Variants in TPST1 observed in about 807,000 individuals in gnomAD.
The protein encoded by TPST1 is protein-tyrosine sulfotransferase 1.
Under a neutral mutation model 34.8 loss-of-function variants are expected in TPST1, and 20 were observed. The ratio of observed to expected loss-of-function variants is 0.57; its 90% CI spans 0.40 to 0.84. The LOEUF (loss-of-function observed/expected upper bound fraction) is 0.84, where lower values mean the gene tolerates loss of function less well. TPST1 is among the 40% of genes least tolerant of loss of function. The probability of loss-of-function intolerance (pLI) is 0.00; values close to 1 mark genes in which losing one functional copy is unlikely to be tolerated. For synonymous variants in TPST1, 152 were observed against 159.4 expected (o/e 0.95, Z 0.35); for missense variants, 353 against 455.5 (o/e 0.78, Z 2.05).
At chr7:66,254,541 T>C (rs921885248) in intron 2 of TPST1, among the ~76,000 whole-genome samples, 16 of 151,978 alleles carry the variant, frequency 1.1e-4, no homozygotes, top group Non-Finnish European at 1.9e-4. Flanking sequence ...GTCGCTGGGA[T>C]TGCAAGTGTG....
At position 66,332,674 on chromosome 7, in the gene TPST1, G is replaced by A. The variant is rs571240387; in HGVS notation, c.1045-19831G>A. On this transcript the variant is annotated intron_variant, in intron 3 of 5. Transcript: ENST00000304842. This position sits in a 1 kb window ranked among gnomAD's most constrained non-coding sequence, Gnocchi z 4.5. The stretch of plus-strand genomic sequence containing the variant: ...AACCATGGACTGAAAATATGTGGGG[G>A]GGAAATGATGCTTACATCTGTACTG... Among the ~76,000 whole-genome samples the A allele has an allele frequency of 1.2e-4, 18 of 152,186 alleles. 1 individual carries two copies. The South Asian group carries it at 3.3e-3, about 28-fold the overall frequency.
At chr7:66,201,927 A>C (rs768477667), upstream of TPST1, among the ~76,000 whole-genome samples, 1 of 151,660 alleles carries the variant, frequency 6.6e-6, no homozygotes, top group South Asian at 2.1e-4. Context: ...CCAAGAGTAC[A>C]TAGCAAAGAA....
chr7:66,301,790 GATCTCTGATCGCAC>G (rs1791323732), intron 3 of TPST1, among the ~76,000 whole-genome samples: 1 of 152,154 alleles, frequency 6.6e-6, no homozygotes, highest in Non-Finnish European at 1.5e-5. Context: ...TAACATCAAA[GATCTCTGATCGCAC>G]ATCACCGTAA....
In TPST1 at chr7:66,352,506, T is replaced by C; in HGVS notation, c.1046T>C (p.Val349Ala). 1 of 1,612,136 alleles carries C rather than the reference T, an allele frequency of 6.2e-7. No individual in the cohort carries two copies. Among genetic ancestry groups the C allele is most frequent in the Non-Finnish European group, 8.5e-7 (1 of 1,179,600 alleles). ...DPKIIENTRR[V>A]YKGEFQLPDF... ...CTCACGCCTGCTTTGTTTTTCCAGG[T>C]CTATAAGGGAGAATTCCAACTACCT... is the stretch of plus-strand genomic sequence containing the variant. The change falls in exon 4 of 6, where the codon GTC becomes GCC. Residue 349 changes from valine (V) to alanine (A), a missense_variant and splice_region_variant. Transcript: ENST00000304842.
chr7:66,351,995 T>G (rs1792488830), intron 3 of TPST1, among the ~76,000 whole-genome samples: 1 of 152,336 alleles, frequency 6.6e-6, no homozygotes, highest in Admixed American at 6.5e-5. Flanking sequence ...TTTTATGAGA[T>G]TTACGGTTTA....
chr7:66,321,890 G>A (rs1473752522), intron 3 of TPST1, among the ~76,000 whole-genome samples: 1 of 152,166 alleles, frequency 6.6e-6, no homozygotes, highest in Admixed American at 6.6e-5. Flanking sequence ...TGAAGTGCCA[G>A]TTCAGGTTCT....
At chr7:66,212,241 AT>A (rs1789278248) in intron 1 of TPST1, among the ~76,000 whole-genome samples, 1 of 152,162 alleles carries the variant, frequency 6.6e-6, no homozygotes, top group Admixed American at 6.5e-5. Context: ...AAAACTGTCA[AT>A]TTGATAAAAG....
intron 1 of TPST1, among the ~76,000 whole-genome samples, chr7:66,224,069 C>T (rs1789600092): frequency 2.0e-5 from 3 of 152,096 alleles, no homozygotes; most frequent in Admixed American, 2.0e-4. Flanking sequence ...ATTCTTCTTG[C>T]CATTTGCTAC....
At chr7:66,221,132 TAA>T (rs546112446) in intron 1 of TPST1, among the ~76,000 whole-genome samples, 4 of 140,708 alleles carry the variant, frequency 2.8e-5, no homozygotes, top group Admixed American at 7.1e-5. Flanking sequence ...GACTCCGTCT[TAA>T]AAAAAAAAAA....
intron 3 of TPST1, among the ~76,000 whole-genome samples, chr7:66,309,467 G>A (rs1791486961): frequency 6.6e-6 from 1 of 152,204 alleles, no homozygotes; most frequent in Non-Finnish European, 1.5e-5. Context: ...GTTTCTGCAA[G>A]TACAAATGGG....
chr7:66,334,071 A>G (rs927157725), intron 3 of TPST1, among the ~76,000 whole-genome samples: 1 of 152,184 alleles, frequency 6.6e-6, no homozygotes, highest in Non-Finnish European at 1.5e-5. Context: ...GAACCCTACA[A>G]ATGTTTGGGA....
At chr7:66,205,032 C>CA (rs1238113240), upstream of TPST1, among the ~76,000 whole-genome samples, 1 of 152,252 alleles carries the variant, frequency 6.6e-6, no homozygotes, top group Non-Finnish European at 1.5e-5. The surrounding 1 kb of genome is among the most constrained non-coding windows in gnomAD (Gnocchi z 5.0). Context: ...CCCCTGCAGC[C>CA]AGGCCACGCG....
At chr7:66,308,862 T>C (rs543335856) in intron 3 of TPST1, among the ~76,000 whole-genome samples, 8 of 152,188 alleles carry the variant, frequency 5.3e-5, no homozygotes, top group Non-Finnish European at 1.0e-4. Context: ...GTCATACGTA[T>C]TAAATACACC....
chr7:66,321,972 T>C (rs936593715), intron 3 of TPST1, among the ~76,000 whole-genome samples: 1 of 152,228 alleles, frequency 6.6e-6, no homozygotes, highest in African/African-American at 2.4e-5. Context: ...TGTTTTGATA[T>C]GTACACTTCA....
chr7:66,235,459 A>G (rs1789893153), intron 1 of TPST1, among the ~76,000 whole-genome samples: 1 of 152,206 alleles, frequency 6.6e-6, no homozygotes, highest in South Asian at 2.1e-4. Context: ...GTGCTCAAAC[A>G]TATATTGAAT....
intron 1 of TPST1, among the ~76,000 whole-genome samples, chr7:66,238,554 G>A (rs1432854646): frequency 6.6e-6 from 1 of 152,068 alleles, no homozygotes; most frequent in African/African-American, 2.4e-5. Flanking sequence ...TGGACACACA[G>A]GCAGGGTTTC....
intron 2 of TPST1, among the ~76,000 whole-genome samples, chr7:66,257,041 G>C (rs1790395470): frequency 6.6e-6 from 1 of 152,128 alleles, no homozygotes; most frequent in Non-Finnish European, 1.5e-5. Flanking sequence ...CAACCTCCTG[G>C]GTTCAAGTGA....
chr7:66,283,374 T>G (rs1392845015), intron 2 of TPST1, among the ~76,000 whole-genome samples: 1 of 152,194 alleles, frequency 6.6e-6, no homozygotes, highest in Non-Finnish European at 1.5e-5. Context: ...TATTTTTCCT[T>G]AGGATACAGT....
chr7:66,216,026 C>T (rs1192538723), intron 1 of TPST1, among the ~76,000 whole-genome samples: 2 of 151,998 alleles, frequency 1.3e-5, no homozygotes, highest in Admixed American at 6.5e-5. Context: ...CCGCCTTGGC[C>T]TCCCAAAGTG....
Sources: allele counts gnomAD v4.1 joint callset (sites outside exome capture counted in the v4.1 genomes callset), GRCh38; gene constraint gnomAD v4.1.1; non-coding constraint Gnocchi (gnomAD v3.1); transcripts MANE v1.5; gene names NCBI Gene and HGNC (gene_info 2026-07-23, HGNC 2026-07-21).